ATRNL1: variants seen among roughly 807,000 people sequenced by gnomAD.
The protein encoded by ATRNL1 is attractin-like protein 1.
In ATRNL1, 95 loss-of-function variants were observed where a neutral mutation model predicts 182.7. The ratio of observed to expected loss-of-function variants is 0.52; its 90% CI spans 0.44 to 0.62. The LOEUF is 0.62. ATRNL1 is among the 20% of genes least tolerant of loss of function. The pLI is 0.00. For missense variants in ATRNL1, 1,471 were observed against 1,679.5 expected (o/e 0.88, Z 2.17); for synonymous variants, 576 against 568.3 (o/e 1.01, Z -0.19).
chr10:115,374,731 C>A (rs1426255147), intron 19 of ATRNL1, among the ~76,000 whole-genome samples: 3 of 151,626 alleles, frequency 2.0e-5, no homozygotes, highest in African/African-American at 7.3e-5. Context: ...TTGAATTATT[C>A]TTTTTGTTTA....
At chr10:115,858,869 C>G (rs111561292) in intron 28 of ATRNL1, among the ~76,000 whole-genome samples, 1,609 of 151,710 alleles carry the variant, frequency 0.011, 14 homozygotes, top group Middle Eastern at 0.031. Flanking sequence ...AGTTTGCTGC[C>G]TTCATTACCT....
At chr10:115,353,839 A>G (rs1394898597) in intron 19 of ATRNL1, among the ~76,000 whole-genome samples, 4 of 152,224 alleles carry the variant, frequency 2.6e-5, no homozygotes, top group African/African-American at 4.8e-5. Context: ...AAGGAAAACA[A>G]GCAAAGAAAA....
At chr10:115,574,035 G>A (rs1854561666) in intron 26 of ATRNL1, among the ~76,000 whole-genome samples, 1 of 152,184 alleles carries the variant, frequency 6.6e-6, no homozygotes, top group Non-Finnish European at 1.5e-5. Flanking sequence ...ACCACTTAAA[G>A]CAGAAAATTC....
intron 26 of ATRNL1, among the ~76,000 whole-genome samples, chr10:115,580,581 A>G (rs1855009581): frequency 1.3e-5 from 2 of 151,944 alleles, no homozygotes; most frequent in South Asian, 4.1e-4. Context: ...CTTTGGATTC[A>G]TATTATTTGA....
rs149285938 is a variant in ATRNL1 at position 115,580,232 on chromosome 10, G to A, written c.3795+30696G>A. 1.0e-3 allele frequency among the ~76,000 whole-genome samples: 157 copies of A among 152,078 alleles called. 1 individual carries two copies. Among genetic ancestry groups the A allele is most frequent in the Middle Eastern group, 3.4e-3 (1 of 294 alleles). On this transcript the variant is annotated intron_variant, in intron 26 of 28. Coordinates refer to ENST00000355044, the MANE Select transcript of ATRNL1 (RefSeq NM_207303.4). Reference sequence around the variant, plus strand: ...TTGGTGTTCATTCATGTTGCTGTTTGGCATCCTGCTGTTTCAACTTCAGTG... The same window carrying A: ...TTGGTGTTCATTCATGTTGCTGTTTAGCATCCTGCTGTTTCAACTTCAGTG...
intron 27 of ATRNL1, among the ~76,000 whole-genome samples, chr10:115,811,074 A>G (rs887559177): frequency 1.3e-5 from 2 of 151,868 alleles, no homozygotes; most frequent in African/African-American, 2.4e-5. Context: ...AGCTTGGAAC[A>G]TTGATTAGAG....
chr10:115,512,475 CTATT>C (rs1333413699), intron 24 of ATRNL1, among the ~76,000 whole-genome samples: 2 of 151,460 alleles, frequency 1.3e-5, no homozygotes, highest in African/African-American at 4.8e-5. Context: ...GCTATTGAAT[CTATT>C]TATTCTATAA....
chr10:115,690,795 G>T (rs1555047919), intron 26 of ATRNL1, among the ~76,000 whole-genome samples: 1 of 152,174 alleles, frequency 6.6e-6, no homozygotes, highest in East Asian at 1.9e-4. Context: ...GTGACAATGT[G>T]CAAGTCCTCT....
chr10:115,656,568 G>A (rs2420100), intron 26 of ATRNL1, among the ~76,000 whole-genome samples: 1 of 152,174 alleles, frequency 6.6e-6, no homozygotes, highest in South Asian at 2.1e-4. Flanking sequence ...CTGCCCCAAG[G>A]TGGATAGGTT....
chr10:115,223,337 G>A (rs1554897903), intron 9 of ATRNL1, among the ~76,000 whole-genome samples: 2 of 152,104 alleles, frequency 1.3e-5, no homozygotes, highest in Non-Finnish European at 2.9e-5. Flanking sequence ...CCAGTTAAAA[G>A]CCAAGAATTT....
At chr10:115,488,635 C>G (rs1849145532) in intron 24 of ATRNL1, among the ~76,000 whole-genome samples, 1 of 151,974 alleles carries the variant, frequency 6.6e-6, no homozygotes, top group Admixed American at 6.6e-5. Flanking sequence ...GTCTGGCTGG[C>G]TAGCGGTCTA....
intron 26 of ATRNL1, among the ~76,000 whole-genome samples, chr10:115,631,166 A>G (rs1190403520): frequency 6.6e-6 from 1 of 152,014 alleles, no homozygotes; most frequent in Non-Finnish European, 1.5e-5. Flanking sequence ...CATGGGGAGT[A>G]TAGTTACTAA....
chr10:115,145,065 T>G (rs1192780412), intron 5 of ATRNL1, among the ~76,000 whole-genome samples: 1 of 152,162 alleles, frequency 6.6e-6, no homozygotes, highest in Non-Finnish European at 1.5e-5. Flanking sequence ...ATTTTATAAT[T>G]TATTATTTTA....
At chr10:115,340,471 C>CTTTTTTT (rs1197538123) in intron 19 of ATRNL1, among the ~76,000 whole-genome samples, 25 of 89,580 alleles carry the variant, frequency 2.8e-4, no homozygotes, top group African/African-American at 8.8e-4. Context: ...CTTTTCTTTT[C>CTTTTTTT]TTTTCTTTTT....
chr10:115,144,360 G>A (rs1845883762), intron 5 of ATRNL1, among the ~76,000 whole-genome samples: 1 of 152,002 alleles, frequency 6.6e-6, no homozygotes, highest in African/African-American at 2.4e-5. Flanking sequence ...GGGTCTCACC[G>A]TGTTAGCCAG....
At chr10:115,297,582 T>G (rs1853262892) in intron 15 of ATRNL1, among the ~76,000 whole-genome samples, 1 of 150,624 alleles carries the variant, frequency 6.6e-6, no homozygotes, top group South Asian at 2.1e-4. Context: ...GAGGTGGAAC[T>G]TGCAGTGAGC....
intron 1 of ATRNL1, among the ~76,000 whole-genome samples, chr10:115,103,481 A>C (rs1242588303): frequency 6.6e-6 from 1 of 152,100 alleles, no homozygotes; most frequent in South Asian, 2.1e-4. Flanking sequence ...TTCCTCGCCC[A>C]TATCTCTTTA....
At chr10:115,900,491 A>C (rs1345624403) in intron 28 of ATRNL1, among the ~76,000 whole-genome samples, 1 of 152,252 alleles carries the variant, frequency 6.6e-6, no homozygotes, top group Admixed American at 6.5e-5. Flanking sequence ...TAAAACCTGC[A>C]AAAGGCAAAA....
chr10:115,784,843 T>C (rs542692146), intron 27 of ATRNL1, among the ~76,000 whole-genome samples: 1 of 152,286 alleles, frequency 6.6e-6, no homozygotes, highest in Admixed American at 6.5e-5. Context: ...CTAATTATAT[T>C]TGTAAAGGAC....
Sources: gnomAD v4.1 joint callset for allele counts (sites outside exome capture counted in the v4.1 genomes callset) on GRCh38, gnomAD v4.1.1 for gene constraint, MANE v1.5 for transcripts, NCBI Gene and HGNC (gene_info 2026-07-23, HGNC 2026-07-21) for gene names.